FAM131B: variants seen among roughly 807,000 people sequenced by gnomAD.
FAM131B encodes the protein family with sequence similarity 131 member B.
A neutral mutation model predicts 42.0 loss-of-function variants in FAM131B; 19 were observed. That is an observed-to-expected ratio of 0.45 (90% CI 0.32 to 0.66). FAM131B has a LOEUF of 0.66. Among genes scored for constraint, FAM131B ranks in the 30% least tolerant of loss-of-function variants. The pLI, the probability that FAM131B is intolerant of heterozygous loss-of-function variation, is 0.05. For missense variants in FAM131B, 370 were observed against 468.4 expected, an observed-to-expected ratio of 0.79 and a Z score of 1.94; for synonymous variants, 183 against 177.6, an observed-to-expected ratio of 1.03 and a Z score of -0.24.
At chr7:143,378,819 TG>T in the FAM131B span, among the ~76,000 whole-genome samples, 5 of 152,184 alleles carry the variant, frequency 3.3e-5, no homozygotes, top group Non-Finnish European at 5.9e-5. Flanking sequence ...TCAAGTGATC[TG>T]CCTGCCTTGG....
In FAM131B at chr7:143,358,158, C is replaced by G. The variant is rs937945105; in HGVS notation, c.466+669G>C. ...ATCCATGAGCGTGTTGAAGCTGGTACTGCTCCTGCCCCCCACCCTACATGT... is the reference window on the plus strand; with the variant it reads ...ATCCATGAGCGTGTTGAAGCTGGTAGTGCTCCTGCCCCCCACCCTACATGT... On this transcript the variant is annotated intron_variant, in intron 5 of 6. Transcript: ENST00000443739. The surrounding 1 kb of genome is among the most constrained non-coding windows in gnomAD (Gnocchi z 4.7). 6.6e-5 allele frequency among the ~76,000 whole-genome samples: 10 copies of G among 152,174 alleles called. No homozygotes were observed. Among genetic ancestry groups the G allele is most frequent in the African/African-American group, 2.4e-4 (10 of 41,444 alleles).
intron 1 of FAM131B, chr7:143,360,495 T>A: frequency 1.1e-6 from 1 of 896,392 alleles, no homozygotes; most frequent in Non-Finnish European, 1.4e-6. Flanking sequence ...ATTACAAGTC[T>A]ACAGATAAGG....
upstream of FAM131B, among the ~76,000 whole-genome samples, chr7:143,365,398 A>G (rs1804158669): frequency 6.6e-6 from 1 of 152,232 alleles, no homozygotes; most frequent in Non-Finnish European, 1.5e-5. Flanking sequence ...GATAGAGAAA[A>G]AAATAAAACT....
chr7:143,357,052 G>T, intron 6 of FAM131B, 30 bp from the exon 7 acceptor site: 1 of 1,505,194 alleles, frequency 6.6e-7, no homozygotes, highest in Non-Finnish European at 9.2e-7. Flanking sequence ...GGTCAGTGGG[G>T]CCACAGAATG....
At chr7:143,373,712 G>T in the FAM131B span, among the ~76,000 whole-genome samples, 1 of 152,278 alleles carries the variant, frequency 6.6e-6, no homozygotes, top group East Asian at 1.9e-4. Flanking sequence ...TTCAGGAGTT[G>T]AGCCAGGGAC....
At chr7:143,364,903 G>A (rs1804144735), upstream of FAM131B, among the ~76,000 whole-genome samples, 1 of 152,100 alleles carries the variant, frequency 6.6e-6, no homozygotes, top group Non-Finnish European at 1.5e-5. Flanking sequence ...AAAATGATCA[G>A]GCAAGACACT....
chr7:143,377,383 A>G, the FAM131B span, among the ~76,000 whole-genome samples: 1 of 152,346 alleles, frequency 6.6e-6, no homozygotes, highest in African/African-American at 2.4e-5. Flanking sequence ...AACAGACAGA[A>G]TTTGATGGTG....
chr7:143,380,898 T>A, the FAM131B span: 1 of 612,362 alleles, frequency 1.6e-6, no homozygotes, highest in Non-Finnish European at 2.0e-6. The surrounding 1 kb of genome is among the most constrained non-coding windows in gnomAD (Gnocchi z 5.0). Flanking sequence ...CGAGAGGAGG[T>A]CGCTGGGCCG....
chr7:143,356,252 C>A lies in FAM131B; in HGVS notation c.*298G>T. The A allele has an allele frequency of 2.3e-6, 1 of 428,836 alleles. No homozygotes were observed. The highest frequency in any genetic ancestry group is 3.8e-5 in the Admixed American group (1 of 26,386). The allele number at this position is 428,836 out of a possible 1,614,324, so 26.6% of individuals were successfully genotyped here. On this transcript the variant is annotated 3_prime_UTR_variant, in exon 7 of 7. Transcript: ENST00000443739. The surrounding 1 kb of genome is among the most constrained non-coding windows in gnomAD (Gnocchi z 4.4). The stretch of plus-strand genomic sequence containing the variant: ...GCTGCCCCCGTCCTCAGGGTGCACA[C>A]ACTGGAGGCTTTGTCGGCACAGACC...
rs978841954 is a variant in FAM131B, at chr7:143,358,454, G to A, written c.466+373C>T. On this transcript the variant is annotated intron_variant, in intron 5 of 6. Coordinates refer to ENST00000443739, the MANE Select transcript of FAM131B (RefSeq NM_001031690.3). The surrounding 1 kb of genome is among the most constrained non-coding windows in gnomAD (Gnocchi z 4.7). ...AGTCTAGTAGGCAAATTCATGACTCGAAATGCTAAAGGGCAAAGGCTAAAA... is the reference window on the plus strand; with the variant it reads ...AGTCTAGTAGGCAAATTCATGACTCAAAATGCTAAAGGGCAAAGGCTAAAA... 4.6e-5 allele frequency among the ~76,000 whole-genome samples: 7 copies of A among 152,120 alleles called. No individual in the cohort carries two copies. The East Asian group carries it at 7.7e-4, about 17-fold the overall frequency.
At position 143,354,773 on chromosome 7, in the gene FAM131B, C is replaced by T. The variant is rs1348260366; in HGVS notation, c.*1777G>A. The T allele has an allele frequency of 1.3e-5, 2 of 152,316 alleles. No individual in the cohort carries two copies. The highest frequency in any genetic ancestry group is 2.9e-5 in the Non-Finnish European group (2 of 68,146). 9.4% of individuals were successfully genotyped at this position (152,316 alleles called of 1,614,324 possible). A position where few individuals can be genotyped will look rare whatever the true frequency, so the allele number is the denominator to read the frequency against. On this transcript the variant is annotated 3_prime_UTR_variant, in exon 7 of 7. Transcript: ENST00000443739. ...ACCAACCTCAGGATAACCATTGTCCCCCTTCCATGGAAGACACAGAACCCC... is the reference window on the plus strand; with the variant it reads ...ACCAACCTCAGGATAACCATTGTCCTCCTTCCATGGAAGACACAGAACCCC...
chr7:143,381,725 G>T, the FAM131B span: 3 of 1,600,418 alleles, frequency 1.9e-6, no homozygotes, highest in East Asian at 4.6e-5. Context: ...GGCACCCGGG[G>T]CCCAGCGCGC....
At chr7:143,366,383 A>G (rs1377997595), upstream of FAM131B, among the ~76,000 whole-genome samples, 2 of 152,104 alleles carry the variant, frequency 1.3e-5, no homozygotes, top group African/African-American at 4.8e-5. Context: ...ATGGTGTTAG[A>G]GTATCTATCT....
rs1251849193 is a variant in FAM131B at position 143,355,660 on chromosome 7, T to C, written c.*890A>G. On this transcript the variant is annotated 3_prime_UTR_variant, in exon 7 of 7. Transcript: ENST00000443739. This position sits in a 1 kb window ranked among gnomAD's most constrained non-coding sequence, Gnocchi z 4.1. Reference sequence around the variant, plus strand: ...CTGTTGGCGACACCTGCATCCTGCGTTGGTGTATCCAAGATGGGTGTCCCC... The same window carrying C: ...CTGTTGGCGACACCTGCATCCTGCGCTGGTGTATCCAAGATGGGTGTCCCC... 6.6e-6 allele frequency: 1 copy of C among 152,610 alleles called. No individual in the cohort carries two copies. Among genetic ancestry groups the C allele is most frequent in the Non-Finnish European group, 1.5e-5 (1 of 68,022 alleles). 9.5% of individuals were successfully genotyped at this position (152,610 alleles called of 1,614,324 possible). A position where few individuals can be genotyped will look rare whatever the true frequency, so the allele number is the denominator to read the frequency against.
Position 143,356,268 on chromosome 7 carries a change from G to A in FAM131B, c.*282C>T, listed in dbSNP as rs1000104340. The A allele has an allele frequency of 2.2e-5, 10 of 448,568 alleles. No individual in the cohort carries two copies. Among genetic ancestry groups the A allele is most frequent in the Admixed American group, 3.7e-5 (1 of 27,250 alleles). 27.8% of individuals were successfully genotyped at this position (448,568 alleles called of 1,614,324 possible). ...GGGTGCACACACTGGAGGCTTTGTC[G>A]GCACAGACCCAGAAGCCCACAGCCC... On this transcript the variant is annotated 3_prime_UTR_variant, in exon 7 of 7. Coordinates refer to ENST00000443739, the MANE Select transcript of FAM131B (RefSeq NM_001031690.3). This position sits in a 1 kb window ranked among gnomAD's most constrained non-coding sequence, Gnocchi z 4.4.
chr7:143,375,858 C>T, the FAM131B span, among the ~76,000 whole-genome samples: 4 of 152,220 alleles, frequency 2.6e-5, no homozygotes, highest in Non-Finnish European at 5.9e-5. Flanking sequence ...GCTCCACTAG[C>T]GGCTGCCTCG....
At chr7:143,381,823 G>A in the FAM131B span, 8 of 1,473,960 alleles carry the variant, frequency 5.4e-6, no homozygotes, top group Non-Finnish European at 7.2e-6. Flanking sequence ...AGGAGCCGGG[G>A]TGGGGGGCAG....
intron 1 of FAM131B, chr7:143,360,490 A>G: frequency 1.1e-6 from 1 of 934,936 alleles, no homozygotes; most frequent in Non-Finnish European, 1.4e-6. Flanking sequence ...TCTCTATTAC[A>G]AGTCTACAGA....
At chr7:143,367,160 G>A (rs1804199225), upstream of FAM131B, among the ~76,000 whole-genome samples, 1 of 152,154 alleles carries the variant, frequency 6.6e-6, no homozygotes, top group African/African-American at 2.4e-5. Context: ...CCATTGTGCT[G>A]GGGCACAGCA....
Sources: gnomAD v4.1 joint callset for allele counts (sites outside exome capture counted in the v4.1 genomes callset) on GRCh38, gnomAD v4.1.1 for gene constraint, Gnocchi (gnomAD v3.1) non-coding constraint, MANE v1.5 for transcripts, NCBI Gene and HGNC (gene_info 2026-07-23, HGNC 2026-07-21) for gene names.